The following SMAGP variants were observed in gnomAD, a reference collection of about 807,000 sequenced individuals.
The protein encoded by SMAGP is small cell transmembrane and glycosylated protein.
SMAGP carries 7 observed loss-of-function variants against 10.1 expected under a neutral mutation model. The ratio of observed to expected loss-of-function variants is 0.70; its 90% CI spans 0.40 to 1.31. The LOEUF (loss-of-function observed/expected upper bound fraction) is 1.31, where lower values mean the gene tolerates loss of function less well. Ranked by LOEUF, SMAGP falls within the 50% of genes most tolerant of loss-of-function variation. The pLI is 0.01. For missense variants in SMAGP, 113 were observed against 116.5 expected (o/e 0.97, Z 0.14); for synonymous variants, 49 against 47.2 (o/e 1.04, Z -0.16).
chr12:51,252,518 A>C (rs959291808), intron 2 of SMAGP, among the ~76,000 whole-genome samples: 6 of 152,006 alleles, frequency 3.9e-5, no homozygotes, highest in African/African-American at 1.4e-4. Flanking sequence ...CAGCCTCCCA[A>C]GTAGCTGGAA....
At chr12:51,267,804 A>C (rs1944989464) in intron 2 of SMAGP, among the ~76,000 whole-genome samples, 1 of 151,890 alleles carries the variant, frequency 6.6e-6, no homozygotes, top group South Asian at 2.1e-4. Flanking sequence ...TCTCTCTTTT[A>C]TCTCTTCTCA....
chr12:51,248,434 A>ACTCTCTCT (rs56012746), intron 2 of SMAGP, among the ~76,000 whole-genome samples: 21 of 77,560 alleles, frequency 2.7e-4, no homozygotes, highest in African/African-American at 9.6e-4. Flanking sequence ...ACACACACAC[A>ACTCTCTCT]CTCTCTCTCT....
At chr12:51,260,572 G>T in intron 2 of SMAGP, among the ~76,000 whole-genome samples, 1 of 150,652 alleles carries the variant, frequency 6.6e-6, no homozygotes, top group Admixed American at 6.7e-5. Context: ...TAGAGACAGG[G>T]TTTCACCGTG....
In SMAGP at chr12:51,246,014, C is replaced by A. The variant is rs1378913857; in HGVS notation, c.221G>T (p.Gly74Val). The A allele has an allele frequency of 3.1e-6, 5 of 1,613,780 alleles. No individual in the cohort carries two copies. The highest frequency in any genetic ancestry group is 4.2e-6 in the Non-Finnish European group (5 of 1,179,846). Reference sequence around the variant, plus strand: ...CATCTGGACGATGGCACTGGGCTCACCTTCTGTAGGTTCATAGGTGACGTA... The same window carrying A: ...CATCTGGACGATGGCACTGGGCTCAACTTCTGTAGGTTCATAGGTGACGTA... ...GSYVTYEPTE[G>V]EPSAIVQMES... Residue 74 changes from glycine (G) to valine (V), a missense_variant, in exon 4 of 4, where the codon GGT becomes GTT. Gly to Val is a moderately radical substitution (Grantham distance 109). Transcript: ENST00000603798.
At chr12:51,252,882 G>T (rs1345552767) in intron 2 of SMAGP, among the ~76,000 whole-genome samples, 2 of 152,100 alleles carry the variant, frequency 1.3e-5, no homozygotes, top group African/African-American at 2.4e-5. Flanking sequence ...CATGGGGGAA[G>T]TGAGCTCAAG....
chr12:51,247,968 C>T (rs1944794530), intron 2 of SMAGP, among the ~76,000 whole-genome samples: 1 of 152,184 alleles, frequency 6.6e-6, no homozygotes, highest in Non-Finnish European at 1.5e-5. Context: ...GACCTGGGAG[C>T]TGAAGCAGGG....
rs201025185 is a variant in SMAGP, at chr12:51,269,266, G to C, written c.13C>G (p.Leu5Val). 404 of 1,613,956 alleles carry C rather than the reference G, an allele frequency of 2.5e-4. 2 individuals carry two copies. Among genetic ancestry groups the C allele is most frequent in the Admixed American group, 2.3e-4 (14 of 60,018 alleles). MTSL[L>V]TTPSPREELM... Reference sequence around the variant, plus strand: ...CTACCTCTTGGAGAAGGAGTAGTCAGGAGGCTGGTCATTGTCACTAGTGGT... The same window carrying C: ...CTACCTCTTGGAGAAGGAGTAGTCACGAGGCTGGTCATTGTCACTAGTGGT... The change falls in exon 2 of 4, where the codon CTG becomes GTG. Residue 5 changes from leucine to valine, a missense_variant. Coordinates refer to ENST00000603798, the MANE Select transcript of SMAGP (RefSeq NM_001031628.2).
At chr12:51,252,683 G>GCCCCCACCCCCCCCCCCCC (rs1555166942) in intron 2 of SMAGP, among the ~76,000 whole-genome samples, 1 of 149,752 alleles carries the variant, frequency 6.7e-6, no homozygotes, top group East Asian at 2.3e-4. Context: ...GAGCCACATC[G>GCCCCCACCCCCCCCCCCCC]CCCCCCGAAG....
intron 2 of SMAGP, among the ~76,000 whole-genome samples, chr12:51,260,997 G>A (rs1419047575): frequency 1.7e-4 from 25 of 151,310 alleles, no homozygotes; most frequent in Admixed American, 1.7e-3. Flanking sequence ...CACCATGTTG[G>A]TCAGGCTGGT....
At chr12:51,248,900 C>CAA (rs545881552) in intron 2 of SMAGP, among the ~76,000 whole-genome samples, 21 of 95,614 alleles carry the variant, frequency 2.2e-4, no homozygotes, top group Non-Finnish European at 3.5e-4. Flanking sequence ...AAAAATACCA[C>CAA]AAAAAAAAAA....
intron 2 of SMAGP, among the ~76,000 whole-genome samples, chr12:51,263,694 A>G (rs1387146473): frequency 2.0e-5 from 3 of 152,224 alleles, no homozygotes; most frequent in African/African-American, 7.2e-5. Context: ...GCAAGAGATG[A>G]GCTTTACCTG....
chr12:51,264,769 T>TA (rs1246298035), intron 2 of SMAGP, among the ~76,000 whole-genome samples: 1 of 150,824 alleles, frequency 6.6e-6, no homozygotes. Context: ...CCGTCTCTAC[T>TA]AAAATACAAA....
rs186956582 is a variant in SMAGP, at chr12:51,254,314, C to T, written c.35-7483G>A. ...CTGTAATCCCAGCACTTTGGGAGGC[C>T]GAGGCGGGTGGATCATGAGGTCAGG... On this transcript the variant is annotated intron_variant, in intron 2 of 3. Coordinates refer to ENST00000603798, the MANE Select transcript of SMAGP (RefSeq NM_001031628.2). Among the ~76,000 whole-genome samples, 569 of 152,080 alleles carry T rather than the reference C, an allele frequency of 3.7e-3. 13 individuals are homozygous for T. The highest frequency in any genetic ancestry group is 1.2e-3 in the East Asian group (6 of 5,162).
chr12:51,246,785 G>A lies in SMAGP; in HGVS notation c.81C>T (p.Ser27=). 3 of 1,586,116 alleles carry A rather than the reference G, an allele frequency of 1.9e-6. No individual in the cohort carries two copies. The African/African-American group carries it at 4.0e-5, about 21-fold the overall frequency. The change falls in exon 3 of 4, where the codon TCC becomes TCT. Residue 27 remains serine (S), a synonymous_variant. Transcript: ENST00000603798. The part of the protein sequence containing the change: ...TPILQPTEAL[S]PEDGASTALI... The stretch of plus-strand genomic sequence containing the variant: ...GTGCTGTGCTGGCTCCATCTTCTGG[G>A]GACAGGGCCTCAGTGGGCTGTAAAA...
chr12:51,268,868 G>A (rs902809901), intron 2 of SMAGP, among the ~76,000 whole-genome samples: 4 of 151,970 alleles, frequency 2.6e-5, no homozygotes, highest in Non-Finnish European at 4.4e-5. Flanking sequence ...TTACAAGCAT[G>A]AGCCACCACG....
rs1944745142 is a variant in SMAGP, at chr12:51,244,859, CTG to C, written c.*1080_*1081del. On this transcript the variant is annotated 3_prime_UTR_variant, in exon 4 of 4. Transcript: ENST00000603798. Reference sequence around the variant, plus strand: ...TTTTTTTTTGAGACGGAGTCTCACTCTGTTGCCCAGGCTGGAGTATAGTGGTG... The same window carrying C: ...TTTTTTTTTGAGACGGAGTCTCACTCTTGCCCAGGCTGGAGTATAGTGGTG... 7.6e-6 allele frequency: 1 copy of C among 131,838 alleles called. No homozygotes were observed. The highest frequency in any genetic ancestry group is 2.8e-5 in the African/African-American group (1 of 35,288). The allele number at this position is 131,838 out of a possible 1,614,324, so 8.2% of individuals were successfully genotyped here.
At chr12:51,269,610 A>C (rs1945008119) in intron 1 of SMAGP, 1 of 244,976 alleles carries the variant, frequency 4.1e-6, no homozygotes, top group Admixed American at 5.2e-5. Flanking sequence ...TGAGAAAGTC[A>C]GGCAAAGGTT....
At chr12:51,248,563 C>A (rs1944807448) in intron 2 of SMAGP, among the ~76,000 whole-genome samples, 1 of 152,044 alleles carries the variant, frequency 6.6e-6, no homozygotes, top group Non-Finnish European at 1.5e-5. Context: ...CAGGAGCGGG[C>A]CTCAGGAAAC....
In SMAGP at chr12:51,244,717, A is replaced by G. The variant is rs933743856; in HGVS notation, c.*1224T>C. 3.3e-5 allele frequency: 5 copies of G among 151,382 alleles called. No individual in the cohort carries two copies. The highest frequency in any genetic ancestry group is 2.1e-4 in the South Asian group (1 of 4,748). 9.4% of individuals were successfully genotyped at this position (151,382 alleles called of 1,614,324 possible). On this transcript the variant is annotated 3_prime_UTR_variant, in exon 4 of 4. Coordinates refer to ENST00000603798, the MANE Select transcript of SMAGP (RefSeq NM_001031628.2). ...CTGAGGATACACTGGGAAAGGTGGTAGGTTGATTTTTTCTGGTTCCTTCTG... is the reference window on the plus strand; with the variant it reads ...CTGAGGATACACTGGGAAAGGTGGTGGGTTGATTTTTTCTGGTTCCTTCTG...
Sources: allele counts gnomAD v4.1 joint callset (sites outside exome capture counted in the v4.1 genomes callset), GRCh38; gene constraint gnomAD v4.1.1; transcripts MANE v1.5; gene names NCBI Gene and HGNC (gene_info 2026-07-23, HGNC 2026-07-21).